Variants in FAM135B observed in about 807,000 individuals in gnomAD.
FAM135B encodes protein FAM135B.
FAM135B carries 43 observed loss-of-function variants against 127.7 expected under a neutral mutation model. The ratio of observed to expected loss-of-function variants is 0.34; its 90% CI spans 0.26 to 0.43. The LOEUF (loss-of-function observed/expected upper bound fraction) is 0.43. Among genes scored for constraint, FAM135B ranks in the 20% least tolerant of loss-of-function variants. The probability of loss-of-function intolerance (pLI) is 1.00; values close to 1 mark genes in which losing one functional copy is unlikely to be tolerated. For missense variants in FAM135B, 1,558 were observed against 1,725.6 expected (o/e 0.90, Z 1.72); for synonymous variants, 670 against 665.1 (o/e 1.01, Z -0.11).
intron 6 of FAM135B, among the ~76,000 whole-genome samples, chr8:138,249,521 G>A (rs1429767700): frequency 6.6e-6 from 1 of 152,146 alleles, no homozygotes; most frequent in Non-Finnish European, 1.5e-5. Context: ...GAGCACAGCA[G>A]GCCCCCAGTA....
chr8:138,226,184 T>TGTGTGTGTGTGTGTGTGTGCGCGCGCGC, intron 7 of FAM135B, among the ~76,000 whole-genome samples: 67 of 139,278 alleles, frequency 4.8e-4, no homozygotes, highest in Non-Finnish European at 5.1e-4. Flanking sequence ...TGTGTGTGTG[T>TGTGTGTGTGTGTGTGTGTGCGCGCGCGC]GCGCGCATGT....
chr8:138,447,225 A>G lies in FAM135B; in HGVS notation c.-20+49446T>C, dbSNP rs540925116. ...GTTGGTGGGACTGTAAACTAGTTCA[A>G]CCATTGTGGAAGATAGTGTGGCGAT... On this transcript the variant is annotated intron_variant, in intron 1 of 19. Transcript: ENST00000395297. 5.9e-5 allele frequency among the ~76,000 whole-genome samples: 9 copies of G among 152,304 alleles called. No homozygotes were observed. The East Asian group carries it at 1.5e-3, about 26-fold the overall frequency.
chr8:138,404,829 G>A (rs959142569), intron 1 of FAM135B, among the ~76,000 whole-genome samples: 1 of 152,120 alleles, frequency 6.6e-6, no homozygotes, highest in African/African-American at 2.4e-5. Flanking sequence ...CACATCTACA[G>A]TTACTTCTTC....
intron 3 of FAM135B, 105 bp downstream of exon 3, chr8:138,310,736 A>T: frequency 1.0e-6 from 1 of 975,572 alleles, no homozygotes; most frequent in Non-Finnish European, 1.5e-6. Flanking sequence ...CCACAGATTG[A>T]CTGAGTATGT....
At position 138,131,084 on chromosome 8, in the gene FAM135B, G is replaced by T. The variant is rs1193711500; in HGVS notation, c.*1509C>A. On this transcript the variant is annotated 3_prime_UTR_variant, in exon 20 of 20. Coordinates refer to ENST00000395297, the MANE Select transcript of FAM135B (RefSeq NM_015912.4). ...TGCTTTTATTTTTCAAAGTCACATTGTTAACATAAGAGGATCTAAAATTCT... is the reference window on the plus strand; with the variant it reads ...TGCTTTTATTTTTCAAAGTCACATTTTTAACATAAGAGGATCTAAAATTCT... The T allele has an allele frequency of 1.3e-5, 2 of 152,126 alleles. No homozygotes were observed. The highest frequency in any genetic ancestry group is 3.9e-4 in the East Asian group (2 of 5,176). The allele number at this position is 152,126 out of a possible 1,614,324, so 9.4% of individuals were successfully genotyped here.
chr8:138,206,284 C>CACACAACTCCA (rs1563768566), intron 7 of FAM135B, among the ~76,000 whole-genome samples: 1 of 57,714 alleles, frequency 1.7e-5, no homozygotes, highest in African/African-American at 6.3e-5. Context: ...CCTCCACCTA[C>CACACAACTCCA]GCACAGCTCT....
chr8:138,306,790 G>A (rs147940859), intron 3 of FAM135B, among the ~76,000 whole-genome samples: 2 of 152,144 alleles, frequency 1.3e-5, no homozygotes, highest in African/African-American at 4.8e-5. Context: ...TGCCATGTTG[G>A]CCAGGCTGGT....
intron 13 of FAM135B, 110 bp from the exon 14 acceptor site, chr8:138,148,796 C>T (rs150140154): frequency 8.5e-6 from 6 of 707,590 alleles, no homozygotes; most frequent in Admixed American, 3.1e-5. Context: ...AAAGTGCCTG[C>T]TGAGTGGCAA....
chr8:138,242,495 G>T lies in FAM135B; in HGVS notation c.669+447C>A, dbSNP rs116279380. Reference sequence around the variant, plus strand: ...GAACTTTACATTTATTACAACATTTGGGTACATATAACACTCCATGAGATT... The same window carrying T: ...GAACTTTACATTTATTACAACATTTTGGTACATATAACACTCCATGAGATT... On this transcript the variant is annotated intron_variant, in intron 7 of 19. Transcript: ENST00000395297. The surrounding 1 kb of genome is among the most constrained non-coding windows in gnomAD (Gnocchi z 9.6). Among the ~76,000 whole-genome samples the T allele has an allele frequency of 0.015, 2,295 of 152,074 alleles. 56 individuals carry two copies. Among genetic ancestry groups the T allele is most frequent in the African/African-American group, 0.051 (2,095 of 41,468 alleles).
At chr8:138,139,570 C>T (rs975976609) in intron 17 of FAM135B, among the ~76,000 whole-genome samples, 1 of 152,038 alleles carries the variant, frequency 6.6e-6, no homozygotes, top group Admixed American at 6.6e-5. Context: ...GTCAGGAGTT[C>T]GAGACCAGCC....
chr8:138,228,481 T>G (rs181811508), intron 7 of FAM135B, among the ~76,000 whole-genome samples: 1 of 152,238 alleles, frequency 6.6e-6, no homozygotes, highest in Admixed American at 6.5e-5. Context: ...AGTGCAAATT[T>G]GTTGCACTTC....
chr8:138,313,567 C>T (rs1826851347), intron 2 of FAM135B, among the ~76,000 whole-genome samples: 1 of 150,558 alleles, frequency 6.6e-6, no homozygotes, highest in Non-Finnish European at 1.5e-5. Flanking sequence ...TGAGGTCTTG[C>T]TATGTCGCCC....
intron 18 of FAM135B, among the ~76,000 whole-genome samples, chr8:138,138,506 G>A (rs1419747928): frequency 1.3e-5 from 2 of 152,364 alleles, no homozygotes; most frequent in East Asian, 1.9e-4. Context: ...CATGTAGCAG[G>A]TAGGGTCTTC....
intron 10 of FAM135B, 113 bp downstream of exon 10, chr8:138,178,422 G>T: frequency 7.9e-7 from 1 of 1,269,318 alleles, no homozygotes; most frequent in Non-Finnish European, 1.1e-6. Flanking sequence ...GTAGAGACAC[G>T]AAAGCACGAA....
chr8:138,375,266 A>T (rs191503228), intron 1 of FAM135B, among the ~76,000 whole-genome samples: 1 of 152,162 alleles, frequency 6.6e-6, no homozygotes, highest in Non-Finnish European at 1.5e-5. Context: ...TTTTGTCAAA[A>T]ATCAAATTCC....
rs1818151864 is a variant in FAM135B at position 138,151,578 on chromosome 8, G to C, written c.2897C>G (p.Thr966Arg). 4.3e-6 allele frequency: 7 copies of C among 1,614,194 alleles called. No individual in the cohort carries two copies. The East Asian group carries it at 1.6e-4, about 36-fold the overall frequency. Residue 966 changes from threonine to arginine, a missense_variant, in exon 13 of 20, where the codon ACA becomes AGA. This residue lies in a region of FAM135B where 923 missense variants were observed against 865.3 expected (regional missense o/e 1.07). Transcript: ENST00000395297. ...GGCATTCACTCCTCTATTAAATGCT[G>C]TGTCATCCATAATGCAAGGTGAACC... ...QSGSPCIMDD[T>R]AFNRGVNAFP...
At chr8:138,450,384 G>A (rs1179338635) in intron 1 of FAM135B, 1 of 152,198 alleles carries the variant, frequency 6.6e-6, no homozygotes, top group Non-Finnish European at 1.5e-5. Flanking sequence ...TTGTTGGATT[G>A]CCTGTAAGAG....
At chr8:138,300,951 CA>C (rs1254304615) in intron 3 of FAM135B, among the ~76,000 whole-genome samples, 3 of 152,048 alleles carry the variant, frequency 2.0e-5, no homozygotes, top group African/African-American at 4.8e-5. Flanking sequence ...GGGGTTTCAC[CA>C]TGTTGTCCAG....
rs1490965125 is a variant in FAM135B at position 138,295,857 on chromosome 8, C to T, written c.157+14984G>A. ...TAAGTGGGAGTGGAAAATTGAGCTG[C>T]AGAATTTGATGATCTGGTAGGAAAT... On this transcript the variant is annotated intron_variant, in intron 3 of 19. Transcript: ENST00000395297. 3.3e-5 allele frequency among the ~76,000 whole-genome samples: 5 copies of T among 152,168 alleles called. No homozygotes were observed. In the South Asian group the frequency reaches 1.0e-3, roughly 32 times the overall value.
Sources: allele counts gnomAD v4.1 joint callset (sites outside exome capture counted in the v4.1 genomes callset), GRCh38; gene constraint gnomAD v4.1.1; regional missense constraint gnomAD v4.1.1; non-coding constraint Gnocchi (gnomAD v3.1); transcripts MANE v1.5; gene names NCBI Gene and HGNC (gene_info 2026-07-23, HGNC 2026-07-21).